Variants in SEPTIN7 observed in about 807,000 individuals in gnomAD.
The protein encoded by SEPTIN7 is septin 7, also known as septin-7.
In SEPTIN7, 10 loss-of-function variants were observed where a neutral mutation model predicts 63.3. That is an observed-to-expected ratio of 0.16 (90% confidence interval 0.10 to 0.27). The LOEUF is 0.27. Ranked by LOEUF, SEPTIN7 falls within the 10% of genes least tolerant of loss-of-function variation. The pLI is 1.00. For synonymous variants in SEPTIN7, 131 were observed against 165.3 expected, an observed-to-expected ratio of 0.79 and a Z score of 1.59; for missense variants, 310 against 521.0, an observed-to-expected ratio of 0.59 and a Z score of 3.94.
intron 12 of SEPTIN7, chr7:35,902,785 C>G (rs1036371545): frequency 2.8e-4 from 67 of 239,170 alleles, no homozygotes; most frequent in African/African-American, 1.4e-3. Flanking sequence ...TAAAGAAAAA[C>G]GAGATAAGAT....
chr7:35,876,944 G>T (rs1786508842), intron 6 of SEPTIN7, among the ~76,000 whole-genome samples: 1 of 151,978 alleles, frequency 6.6e-6, no homozygotes, highest in Non-Finnish European at 1.5e-5. Context: ...ACTCCAGACT[G>T]AGCAATAAGA....
chr7:35,875,364 A>C (rs562732822), intron 6 of SEPTIN7, among the ~76,000 whole-genome samples: 1 of 152,198 alleles, frequency 6.6e-6, no homozygotes, highest in Admixed American at 6.5e-5. Context: ...AAGTGAAGGA[A>C]TATGACACAG....
chr7:35,882,386 A>T (rs1242862394), intron 7 of SEPTIN7, 98 bp from the exon 8 acceptor site: 7 of 878,776 alleles, frequency 8.0e-6, no homozygotes, highest in Non-Finnish European at 1.1e-5. Context: ...ATCTGGAACC[A>T]AGGACCCATA....
intron 1 of SEPTIN7, among the ~76,000 whole-genome samples, chr7:35,815,855 G>T (rs1789022338): frequency 1.3e-5 from 2 of 151,794 alleles, no homozygotes; most frequent in Non-Finnish European, 2.9e-5. Context: ...AATTACTATG[G>T]TGTTAATAGA....
chr7:35,848,016 T>C (rs1207073370), intron 3 of SEPTIN7: 3 of 152,134 alleles, frequency 2.0e-5, no homozygotes, highest in African/African-American at 4.8e-5. Context: ...TAAAATAATA[T>C]CTGTTTTCCT....
At chr7:35,839,337 G>A (rs1187815923) in intron 3 of SEPTIN7, among the ~76,000 whole-genome samples, 1 of 152,102 alleles carries the variant, frequency 6.6e-6, no homozygotes, top group East Asian at 1.9e-4. Flanking sequence ...GTTTCCAGCT[G>A]TGGCTATCTG....
At chr7:35,861,478 TCA>T (rs950339479) in intron 3 of SEPTIN7, among the ~76,000 whole-genome samples, 3 of 152,228 alleles carry the variant, frequency 2.0e-5, no homozygotes, top group African/African-American at 7.2e-5. Flanking sequence ...AACGTAGTGA[TCA>T]CCCTAAGGTG....
intron 1 of SEPTIN7, among the ~76,000 whole-genome samples, chr7:35,821,773 C>T (rs1441481792): frequency 1.3e-5 from 2 of 152,024 alleles, no homozygotes; most frequent in Non-Finnish European, 2.9e-5. Context: ...CTAGTACTCA[C>T]TTTATTATTT....
At chr7:35,894,438 C>T (rs1173972639) in intron 11 of SEPTIN7, among the ~76,000 whole-genome samples, 1 of 152,132 alleles carries the variant, frequency 6.6e-6, no homozygotes, top group Non-Finnish European at 1.5e-5. Flanking sequence ...ATTCTTGATA[C>T]ATGACAGAGT....
intron 1 of SEPTIN7, among the ~76,000 whole-genome samples, chr7:35,825,447 C>T (rs147217471): frequency 1.3e-5 from 2 of 152,242 alleles, no homozygotes; most frequent in African/African-American, 4.8e-5. Flanking sequence ...TCTCCAGCTC[C>T]CACCCTCATC....
chr7:35,839,075 A>C (rs1784275683), intron 3 of SEPTIN7, among the ~76,000 whole-genome samples: 1 of 152,240 alleles, frequency 6.6e-6, no homozygotes, highest in Admixed American at 6.5e-5. Flanking sequence ...GGAGATAGGC[A>C]AACAGTAAGT....
At chr7:35,810,240 T>C (rs1343060641) in intron 1 of SEPTIN7, among the ~76,000 whole-genome samples, 1 of 152,146 alleles carries the variant, frequency 6.6e-6, no homozygotes, top group Non-Finnish European at 1.5e-5. Context: ...TGAAGGAAAT[T>C]ACAATAAAGT....
At chr7:35,818,025 A>G (rs1789189876) in intron 1 of SEPTIN7, among the ~76,000 whole-genome samples, 1 of 151,972 alleles carries the variant, frequency 6.6e-6, no homozygotes, top group South Asian at 2.1e-4. Context: ...AACCTCCAGA[A>G]CTGTGTTGAT....
chr7:35,806,249 T>G (rs1483730036), intron 1 of SEPTIN7, among the ~76,000 whole-genome samples: 1 of 152,260 alleles, frequency 6.6e-6, no homozygotes, highest in South Asian at 2.1e-4. Context: ...CCACTTAATA[T>G]TCTTAGTATT....
chr7:35,821,531 A>T (rs150235837), intron 1 of SEPTIN7, among the ~76,000 whole-genome samples: 2 of 152,228 alleles, frequency 1.3e-5, no homozygotes, highest in African/African-American at 2.4e-5. Context: ...AAATTGTTAC[A>T]ATTTTTTACT....
At chr7:35,808,575 T>A (rs1788500352) in intron 1 of SEPTIN7, among the ~76,000 whole-genome samples, 1 of 152,202 alleles carries the variant, frequency 6.6e-6, no homozygotes, top group South Asian at 2.1e-4. Context: ...AAGATCACAG[T>A]GCCAGCAGGT....
At chr7:35,806,281 T>A (rs553185620) in intron 1 of SEPTIN7, among the ~76,000 whole-genome samples, 51 of 152,370 alleles carry the variant, frequency 3.3e-4, no homozygotes, top group African/African-American at 1.2e-3. Flanking sequence ...GGAATCAAAA[T>A]TACCTAGATT....
At chr7:35,831,178 A>G (rs1316841553) in intron 1 of SEPTIN7, among the ~76,000 whole-genome samples, 1 of 152,066 alleles carries the variant, frequency 6.6e-6, no homozygotes, top group African/African-American at 2.4e-5. Flanking sequence ...CTTATTTTCT[A>G]TATTTCAGCA....
At chr7:35,878,281 G>A (rs150943496) in intron 6 of SEPTIN7, among the ~76,000 whole-genome samples, 147 of 152,156 alleles carry the variant, frequency 9.7e-4, no homozygotes, top group Non-Finnish European at 1.5e-3. Flanking sequence ...CAAGGAGAAG[G>A]AGGATGAGAA....
Sources: allele counts gnomAD v4.1 joint callset (sites outside exome capture counted in the v4.1 genomes callset), GRCh38; gene constraint gnomAD v4.1.1; transcripts MANE v1.5; gene names NCBI Gene and HGNC (gene_info 2026-07-23, HGNC 2026-07-21).